The following VAV3 variants were observed in gnomAD, a reference collection of about 807,000 sequenced individuals.
VAV3 encodes vav guanine nucleotide exchange factor 3, also known as guanine nucleotide exchange factor VAV3.
VAV3 carries 94 observed loss-of-function variants against 131.2 expected under a neutral mutation model. That is an observed-to-expected ratio of 0.72 (90% CI 0.61 to 0.85). VAV3 has a LOEUF of 0.85. Among genes scored for constraint, VAV3 ranks in the 40% least tolerant of loss-of-function variants. The pLI, the probability that VAV3 is intolerant of heterozygous loss-of-function variation, is 0.00. For missense variants in VAV3, 939 were observed against 1,002.7 expected (o/e 0.94, Z 0.86); for synonymous variants, 349 against 342.0 (o/e 1.02, Z -0.22).
intron 2 of VAV3, chr1:107,785,409 G>A: frequency 1.5e-6 from 2 of 1,319,282 alleles, no homozygotes; most frequent in South Asian, 1.3e-5. Flanking sequence ...GCCGGGTTCA[G>A]TAACAACAAC....
intron 20 of VAV3, among the ~76,000 whole-genome samples, chr1:107,619,334 G>A (rs1398008809): frequency 6.6e-6 from 1 of 152,198 alleles, no homozygotes; most frequent in Non-Finnish European, 1.5e-5. Context: ...AGAGGAATCA[G>A]AGACCTGGGA....
intron 2 of VAV3, among the ~76,000 whole-genome samples, chr1:107,840,435 C>A (rs879139130): frequency 6.6e-6 from 1 of 152,132 alleles, no homozygotes; most frequent in African/African-American, 2.4e-5. Context: ...TAATAAAGTG[C>A]CTTATTCTAG....
Position 107,789,895 on chromosome 1 carries a change from C to T in VAV3, c.322-10403G>A, listed in dbSNP as rs528416366. Among the ~76,000 whole-genome samples the T allele has an allele frequency of 3.3e-5, 5 of 152,250 alleles. No individual in the cohort carries two copies. The South Asian group carries it at 6.2e-4, about 19-fold the overall frequency. On this transcript the variant is annotated intron_variant, in intron 2 of 26. Coordinates refer to ENST00000370056, the MANE Select transcript of VAV3 (RefSeq NM_006113.5). ...TGTCTATTGCAGTTACAGCTCATGT[C>T]AATACAGACTAGCCACAACCTGAGT...
At chr1:107,902,784 A>T (rs1019484010) in intron 1 of VAV3, among the ~76,000 whole-genome samples, 16 of 151,624 alleles carry the variant, frequency 1.1e-4, no homozygotes, top group Admixed American at 3.3e-4. Flanking sequence ...TTAAAGAATT[A>T]AAAAAAAAGC....
chr1:107,939,782 G>A (rs1184575680), intron 1 of VAV3, among the ~76,000 whole-genome samples: 3 of 152,138 alleles, frequency 2.0e-5, no homozygotes, highest in Non-Finnish European at 4.4e-5. Flanking sequence ...AATGGGGAAG[G>A]AAGGAAGAAA....
At chr1:107,829,000 A>T (rs911562937) in intron 2 of VAV3, among the ~76,000 whole-genome samples, 1 of 152,236 alleles carries the variant, frequency 6.6e-6, no homozygotes, top group South Asian at 2.1e-4. Context: ...GTAAATGTCA[A>T]GAATTCTAAC....
Position 107,832,969 on chromosome 1 carries a change from A to C in VAV3, c.321+41932T>G, listed in dbSNP as rs575551156. Among the ~76,000 whole-genome samples the C allele has an allele frequency of 3.9e-5, 6 of 152,344 alleles. No homozygotes were observed. In the East Asian group the frequency reaches 1.2e-3, roughly 29 times the overall value. ...ACTATCAAAAGTTTTAAAAAGTTTG[A>C]TATAACAGTGAAAATCTAATGAGAA... On this transcript the variant is annotated intron_variant, in intron 2 of 26. Transcript: ENST00000370056.
intron 2 of VAV3, among the ~76,000 whole-genome samples, chr1:107,790,723 T>A (rs1302732847): frequency 6.7e-6 from 1 of 148,508 alleles, no homozygotes; most frequent in African/African-American, 2.5e-5. Context: ...AGTCTTGCTT[T>A]GTCACCAAGG....
At position 107,749,094 on chromosome 1, in the gene VAV3, T is replaced by C. The variant is rs1367221005; in HGVS notation, c.1393-17A>G. ...ATAAGACCACTGTTAAAATTAATATTCCTTAGATTAATATGTATCATTAAT... is the reference window on the plus strand; with the variant it reads ...ATAAGACCACTGTTAAAATTAATATCCCTTAGATTAATATGTATCATTAAT... On this transcript the variant is annotated splice_polypyrimidine_tract_variant and intron_variant, in intron 14 of 26. Transcript: ENST00000370056. 3 of 1,483,336 alleles carry C rather than the reference T, an allele frequency of 2.0e-6. No homozygotes were observed. The highest frequency in any genetic ancestry group is 2.8e-6 in the Non-Finnish European group (3 of 1,073,692). The allele number at this position is 1,483,336 out of a possible 1,614,324, so 91.9% of individuals were successfully genotyped here. A position where few individuals can be genotyped will look rare whatever the true frequency, so the allele number is the denominator to read the frequency against.
chr1:107,742,278 G>A (rs958356202), intron 15 of VAV3, among the ~76,000 whole-genome samples: 1 of 151,850 alleles, frequency 6.6e-6, no homozygotes, highest in Admixed American at 6.6e-5. Flanking sequence ...AACTTACAGA[G>A]TAAAATTTCA....
intron 2 of VAV3, chr1:107,785,590 G>C (rs1300500860): frequency 2.6e-6 from 3 of 1,172,636 alleles, no homozygotes; most frequent in Non-Finnish European, 3.2e-6. Context: ...TAGCAGCAGA[G>C]GCTCAAGGCA....
intron 15 of VAV3, among the ~76,000 whole-genome samples, chr1:107,717,437 G>A (rs539422658): frequency 6.6e-6 from 1 of 152,266 alleles, no homozygotes; most frequent in African/African-American, 2.4e-5. Flanking sequence ...GGTACGTTGT[G>A]TCTTTGTTCT....
intron 1 of VAV3, among the ~76,000 whole-genome samples, chr1:107,906,446 TGAGGTCAGGAGATCGA>T (rs1327613754): frequency 6.6e-5 from 10 of 152,106 alleles, no homozygotes; most frequent in African/African-American, 2.4e-4. Flanking sequence ...GGGCGGATCA[TGAGGTCAGGAGATCGA>T]GACCATCCTG....
intron 1 of VAV3, among the ~76,000 whole-genome samples, chr1:107,895,488 A>T: frequency 6.6e-6 from 1 of 152,178 alleles, no homozygotes; most frequent in Admixed American, 6.5e-5. Flanking sequence ...CCCATTTTAC[A>T]GATGAGGAAA....
intron 1 of VAV3, among the ~76,000 whole-genome samples, chr1:107,879,066 C>T (rs1670644080): frequency 6.6e-6 from 1 of 151,940 alleles, no homozygotes; most frequent in African/African-American, 2.4e-5. Context: ...CACGTTTGGC[C>T]ACTGGGAGTC....
chr1:107,804,825 A>G (rs1666987987), intron 2 of VAV3, among the ~76,000 whole-genome samples: 1 of 151,612 alleles, frequency 6.6e-6, no homozygotes, highest in South Asian at 2.1e-4. Context: ...TCTCTTTAGC[A>G]TTTCTTGTAA....
At chr1:107,719,370 A>T (rs912773632) in intron 15 of VAV3, among the ~76,000 whole-genome samples, 1 of 152,144 alleles carries the variant, frequency 6.6e-6, no homozygotes, top group Non-Finnish European at 1.5e-5. Context: ...AGAGAAAATC[A>T]AACAACTCCA....
chr1:107,576,471 G>T (rs1649659009), intron 25 of VAV3: 1 of 1,504,134 alleles, frequency 6.6e-7, no homozygotes, highest in Non-Finnish European at 8.8e-7. Context: ...AGAACAAAGA[G>T]GGGGCTTTGA....
In VAV3 at chr1:107,939,981, A is replaced by G. The variant is rs187342220; in HGVS notation, c.204+24685T>C. Among the ~76,000 whole-genome samples, 23 of 152,238 alleles carry G rather than the reference A, an allele frequency of 1.5e-4. No homozygotes were observed. The East Asian group carries it at 4.4e-3, about 29-fold the overall frequency. ...CTTGGAAGCTTGTATGGAACTGTCT[A>G]CTGCAGCTGTGGTTGCAATAAGAGG... On this transcript the variant is annotated intron_variant, in intron 1 of 26. Coordinates refer to ENST00000370056, the MANE Select transcript of VAV3 (RefSeq NM_006113.5).
Sources: gnomAD v4.1 joint callset for allele counts (sites outside exome capture counted in the v4.1 genomes callset) on GRCh38, gnomAD v4.1.1 for gene constraint, MANE v1.5 for transcripts, NCBI Gene and HGNC (gene_info 2026-07-23, HGNC 2026-07-21) for gene names.